The following XKRX variants were observed in gnomAD, a reference collection of about 807,000 sequenced individuals.
The protein encoded by XKRX is XK-related protein 2.
XKRX carries 11 observed loss-of-function variants against 22.4 expected under a neutral mutation model. The ratio of observed to expected loss-of-function variants is 0.49; its 90% CI spans 0.31 to 0.81. XKRX has a LOEUF of 0.81. Among genes scored for constraint, XKRX ranks in the 40% least tolerant of loss-of-function variants. The pLI, the probability that XKRX is intolerant of heterozygous loss-of-function variation, is 0.05. For synonymous variants in XKRX, 114 were observed against 132.2 expected (o/e 0.86, Z 0.94); for missense variants, 320 against 336.5 (o/e 0.95, Z 0.38).
At chrX:100,954,110 C>A in the XKRX span, among the ~76,000 whole-genome samples, 1 of 110,433 alleles carries the variant, frequency 9.1e-6, no homozygotes, top group African/African-American at 3.3e-5. Flanking sequence ...ACTTCATGCC[C>A]ATTAGGATTG....
At chrX:100,935,404 C>T in the XKRX span, among the ~76,000 whole-genome samples, 2 of 111,217 alleles carry the variant, frequency 1.8e-5, no homozygotes, top group African/African-American at 3.3e-5. Context: ...GAGACAGCTA[C>T]GAAAATGTGC....
chrX:100,954,873 C>T, the XKRX span, among the ~76,000 whole-genome samples: 2 of 111,873 alleles, frequency 1.8e-5, no homozygotes, highest in African/African-American at 3.2e-5. Flanking sequence ...TCCATAGAAA[C>T]AGAAAGTAGA....
chrX:100,932,006 C>T (rs889855447), upstream of XKRX, among the ~76,000 whole-genome samples: 4 of 111,791 alleles, frequency 3.6e-5, no homozygotes, highest in Non-Finnish European at 7.5e-5. Context: ...TAAATTATCA[C>T]GGGCTCCTTG....
chrX:100,907,491 C>T, the XKRX span, among the ~76,000 whole-genome samples: 1 of 112,321 alleles, frequency 8.9e-6, no homozygotes, highest in Admixed American at 9.5e-5. Flanking sequence ...TGAGCCACCA[C>T]ATCTGACCTG....
the XKRX span, chrX:100,957,379 G>A: frequency 8.3e-7 from 1 of 1,206,614 alleles, no homozygotes; most frequent in South Asian, 1.8e-5. Context: ...GAAAAACGCT[G>A]TGCTGATGAG....
chrX:100,930,325 A>AATAATAATGATG (rs1556209253), upstream of XKRX, among the ~76,000 whole-genome samples: 23 of 103,189 alleles, frequency 2.2e-4, no homozygotes, highest in African/African-American at 6.8e-4. Flanking sequence ...TAATAATAAT[A>AATAATAATGATG]ATGATGATTA....
upstream of XKRX, among the ~76,000 whole-genome samples, chrX:100,933,683 T>G (rs1378818767): frequency 1.8e-5 from 2 of 110,195 alleles, no homozygotes; most frequent in African/African-American, 6.6e-5. Flanking sequence ...CCTAGCATTT[T>G]TCTTCAACAA....
chrX:100,942,358 A>G, the XKRX span, among the ~76,000 whole-genome samples: 1 of 111,609 alleles, frequency 9.0e-6, no homozygotes, highest in African/African-American at 3.3e-5. Context: ...CACATTCAAG[A>G]GAGTCTCCTC....
At chrX:100,915,771 G>A (rs972596461) in intron 2 of XKRX, among the ~76,000 whole-genome samples, 3 of 109,072 alleles carry the variant, frequency 2.8e-5, no homozygotes, top group East Asian at 2.9e-4. Context: ...TCTGCCATCC[G>A]TGACAACACA....
At chrX:100,933,905 T>C (rs1163525322), upstream of XKRX, among the ~76,000 whole-genome samples, 1 of 111,572 alleles carries the variant, frequency 9.0e-6, no homozygotes, top group African/African-American at 3.3e-5. Context: ...TCATATGCCA[T>C]ACAATTCACC....
the XKRX span, among the ~76,000 whole-genome samples, chrX:100,896,577 G>A: frequency 8.9e-6 from 1 of 112,151 alleles, no homozygotes; most frequent in Non-Finnish European, 1.9e-5. Context: ...AAAACTGGGG[G>A]AAGGAGGGAA....
chrX:100,914,512 C>T lies in XKRX; in HGVS notation c.1176G>A (p.Leu392=), dbSNP rs145930850. 8.6e-4 allele frequency: 1,042 copies of T among 1,210,171 alleles called. No individual in the cohort carries two copies. Among genetic ancestry groups the T allele is most frequent in the Non-Finnish European group, 1.1e-3 (989 of 895,270 alleles). The change falls in exon 3 of 3, where the codon CTG becomes CTA. Residue 392 remains leucine (L), a synonymous_variant. Coordinates refer to ENST00000372956, the MANE Select transcript of XKRX (RefSeq NM_212559.3). The part of the protein sequence containing the change: ...LIALQLIIAY[L]ISIGFMLLFF... Reference sequence around the variant, plus strand: ...AAAGGAGCATGAAGCCAATGGAAATCAGATAAGCAATAATGAGCTGCAAGG... The same window carrying T: ...AAAGGAGCATGAAGCCAATGGAAATTAGATAAGCAATAATGAGCTGCAAGG...
chrX:100,888,485 C>T, the XKRX span: 23 of 884,732 alleles, frequency 2.6e-5, no homozygotes, highest in Non-Finnish European at 3.4e-5. Flanking sequence ...CATTCCCCAT[C>T]GCTCAAAATG....
the XKRX span, among the ~76,000 whole-genome samples, chrX:100,889,111 G>C: frequency 3.7e-5 from 4 of 107,848 alleles, no homozygotes; most frequent in Non-Finnish European, 5.7e-5. Flanking sequence ...ATGGTGGTGC[G>C]TGCCTGTAGT....
At chrX:100,908,925 G>T (rs969668278), downstream of XKRX, among the ~76,000 whole-genome samples, 4 of 110,510 alleles carry the variant, frequency 3.6e-5, no homozygotes, top group African/African-American at 1.3e-4. Context: ...GCTCTAGGGA[G>T]GGGCACTATT....
At chrX:100,922,700 T>C in intron 2 of XKRX, 93 bp downstream of exon 2, 1 of 888,505 alleles carries the variant, frequency 1.1e-6, no homozygotes, top group Non-Finnish European at 1.5e-6. Flanking sequence ...AATAGCCACA[T>C]GAAGCTAGTG....
the XKRX span, among the ~76,000 whole-genome samples, chrX:100,903,811 A>T: frequency 8.9e-6 from 1 of 112,491 alleles, no homozygotes; most frequent in South Asian, 3.7e-4. Context: ...AGAAAACTAC[A>T]AAACTTTGAT....
At chrX:100,926,120 A>G (rs1408098912) in intron 1 of XKRX, among the ~76,000 whole-genome samples, 2 of 111,651 alleles carry the variant, frequency 1.8e-5, no homozygotes. Flanking sequence ...CATCTCACAC[A>G]AGGCTACTGT....
the XKRX span, among the ~76,000 whole-genome samples, chrX:100,950,877 C>T: frequency 1.2e-3 from 130 of 111,057 alleles, 1 homozygote; most frequent in Non-Finnish European, 1.8e-3. Flanking sequence ...TCAAAATGTA[C>T]GGAATGCAGC....
Sources: gnomAD v4.1 joint callset for allele counts (sites outside exome capture counted in the v4.1 genomes callset) on GRCh38, gnomAD v4.1.1 for gene constraint, MANE v1.5 for transcripts, NCBI Gene and HGNC (gene_info 2026-07-23, HGNC 2026-07-21) for gene names.